The following PLPPR1 variants were observed in gnomAD, a reference collection of about 807,000 sequenced individuals.
PLPPR1 encodes the protein phospholipid phosphatase-related protein type 1.
Under a neutral mutation model 33.1 loss-of-function variants are expected in PLPPR1, and 10 were observed. The observed-to-expected ratio is 0.30, with a 90% confidence interval of 0.19 to 0.51. The LOEUF is 0.51. Among genes scored for constraint, PLPPR1 ranks in the 20% least tolerant of loss-of-function variants. The pLI is 0.97. For missense variants in PLPPR1, 304 were observed against 408.1 expected (o/e 0.74, Z 2.20); for synonymous variants, 151 against 151.0 (o/e 1.00, Z 0.00).
At chr9:101,201,513 TG>T (rs1345295683) in intron 2 of PLPPR1, among the ~76,000 whole-genome samples, 46 of 152,318 alleles carry the variant, frequency 3.0e-4, no homozygotes, top group African/African-American at 1.1e-3. Flanking sequence ...AAAATATCTG[TG>T]TGACCTTCAG....
At chr9:101,155,279 C>A (rs911541031) in intron 1 of PLPPR1, among the ~76,000 whole-genome samples, 1 of 152,080 alleles carries the variant, frequency 6.6e-6, no homozygotes, top group Admixed American at 6.5e-5. Context: ...CTATGGTGTG[C>A]TGTTATAACA....
chr9:101,057,537 T>TA lies in PLPPR1; in HGVS notation c.-46+28445dup, dbSNP rs140691394. Among the ~76,000 whole-genome samples, 344 of 149,560 alleles carry TA rather than the reference T, an allele frequency of 2.3e-3. 2 individuals carry two copies. The highest frequency in any genetic ancestry group is 7.2e-3 in the African/African-American group (293 of 40,884). ...CAATAAACAAGGTGATGGTATATTG[T>TA]AAAAAAAAAATACCTCATTTAATAA... On this transcript the variant is annotated intron_variant, in intron 1 of 7. Coordinates refer to ENST00000374874, the MANE Select transcript of PLPPR1 (RefSeq NM_207299.2).
chr9:101,205,802 A>G (rs561877476), intron 2 of PLPPR1, among the ~76,000 whole-genome samples: 1 of 152,332 alleles, frequency 6.6e-6, no homozygotes, highest in East Asian at 1.9e-4. Context: ...TCTCCTGTAA[A>G]TGGTCTATGA....
chr9:101,214,894 G>A (rs1337909035), intron 2 of PLPPR1, among the ~76,000 whole-genome samples: 1 of 151,796 alleles, frequency 6.6e-6, no homozygotes, highest in Admixed American at 6.6e-5. Context: ...ATGGTGGCAG[G>A]CACTTGTAAT....
chr9:101,290,178 A>T (rs994727086), intron 4 of PLPPR1, among the ~76,000 whole-genome samples: 1 of 152,228 alleles, frequency 6.6e-6, no homozygotes, highest in African/African-American at 2.4e-5. Flanking sequence ...AAAATAAGGG[A>T]GTAATCAAAA....
chr9:101,072,472 G>A (rs1003484421), intron 1 of PLPPR1, among the ~76,000 whole-genome samples: 6 of 152,134 alleles, frequency 3.9e-5, no homozygotes, highest in Admixed American at 2.0e-4. Flanking sequence ...AGGCTGGGAC[G>A]TGTAGTCTAG....
chr9:101,284,862 T>C (rs1828364375), intron 3 of PLPPR1, among the ~76,000 whole-genome samples: 1 of 152,196 alleles, frequency 6.6e-6, no homozygotes, highest in Admixed American at 6.5e-5. Context: ...AAGATGATCA[T>C]CTATGAGATC....
chr9:101,078,133 A>AGAGGAAGAG, intron 1 of PLPPR1, among the ~76,000 whole-genome samples: 1 of 15,070 alleles, frequency 6.6e-5, no homozygotes, highest in Admixed American at 5.6e-4. Flanking sequence ...AAGAAGAAGA[A>AGAGGAAGAG]GAAGAAGAAG....
chr9:101,072,043 T>C (rs1284078544), intron 1 of PLPPR1, among the ~76,000 whole-genome samples: 1 of 152,150 alleles, frequency 6.6e-6, no homozygotes, highest in African/African-American at 2.4e-5. Flanking sequence ...ATACACATGA[T>C]TTCAGTATGG....
At chr9:101,090,741 AC>A (rs1830731736) in intron 1 of PLPPR1, among the ~76,000 whole-genome samples, 2 of 151,584 alleles carry the variant, frequency 1.3e-5, no homozygotes, top group African/African-American at 4.9e-5. Flanking sequence ...AAACAAACAA[AC>A]AAACAAACAA....
At chr9:101,086,270 C>T (rs1176384516) in intron 1 of PLPPR1, among the ~76,000 whole-genome samples, 2 of 151,998 alleles carry the variant, frequency 1.3e-5, no homozygotes, top group African/African-American at 2.4e-5. Context: ...TACTGGGGAT[C>T]GGCACTTATG....
intron 2 of PLPPR1, among the ~76,000 whole-genome samples, chr9:101,202,435 T>A (rs1422805505): frequency 6.6e-6 from 1 of 152,228 alleles, no homozygotes; most frequent in Non-Finnish European, 1.5e-5. Context: ...TATCCCTCCC[T>A]GGCCTCAACC....
intron 2 of PLPPR1, among the ~76,000 whole-genome samples, chr9:101,223,873 A>T (rs1212756114): frequency 6.6e-6 from 1 of 152,228 alleles, no homozygotes; most frequent in Non-Finnish European, 1.5e-5. Context: ...GTACATATAT[A>T]CATTATATGT....
intron 1 of PLPPR1, among the ~76,000 whole-genome samples, chr9:101,032,252 T>C (rs1829954301): frequency 6.6e-6 from 1 of 152,122 alleles, no homozygotes; most frequent in Non-Finnish European, 1.5e-5. Flanking sequence ...TGTTTGAAAG[T>C]TGAGAAAGTT....
intron 2 of PLPPR1, among the ~76,000 whole-genome samples, chr9:101,220,409 C>T (rs1447280452): frequency 6.6e-6 from 1 of 152,172 alleles, no homozygotes; most frequent in Non-Finnish European, 1.5e-5. Flanking sequence ...AAGTGTTACA[C>T]AGTTAATAAG....
chr9:101,246,125 T>TAGATAGA (rs1196661599), intron 2 of PLPPR1, among the ~76,000 whole-genome samples: 1 of 141,646 alleles, frequency 7.1e-6, no homozygotes, highest in Non-Finnish European at 1.5e-5. Context: ...GATAGATAGA[T>TAGATAGA]TTGTATAAGC....
intron 6 of PLPPR1, among the ~76,000 whole-genome samples, chr9:101,314,492 A>C (rs1309048588): frequency 6.6e-6 from 1 of 152,316 alleles, no homozygotes; most frequent in Admixed American, 6.5e-5. Context: ...CCATTGCAAC[A>C]GTGAATATCA....
intron 4 of PLPPR1, among the ~76,000 whole-genome samples, chr9:101,292,232 A>G (rs141843428): frequency 0.048 from 7,365 of 152,060 alleles, 541 homozygotes; most frequent in African/African-American, 0.16. Context: ...GAGAAGGAAA[A>G]TTTAGAGAAA....
intron 2 of PLPPR1, among the ~76,000 whole-genome samples, chr9:101,265,736 C>A (rs939722655): frequency 2.0e-5 from 3 of 152,186 alleles, no homozygotes; most frequent in African/African-American, 7.2e-5. Flanking sequence ...GTGGCTCAAG[C>A]CTGTAATCCC....
Sources: gnomAD v4.1 joint callset for allele counts (sites outside exome capture counted in the v4.1 genomes callset) on GRCh38, gnomAD v4.1.1 for gene constraint, MANE v1.5 for transcripts, NCBI Gene and HGNC (gene_info 2026-07-23, HGNC 2026-07-21) for gene names.